APIP: variants seen among roughly 807,000 people sequenced by gnomAD.
The protein encoded by APIP is methylthioribulose-1-phosphate dehydratase.
Under a neutral mutation model 32.0 loss-of-function variants are expected in APIP, and 32 were observed. The observed-to-expected ratio is 1.00, with a 90% CI of 0.76 to 1.34. The LOEUF (loss-of-function observed/expected upper bound fraction) is 1.34. APIP is among the 40% of genes most tolerant of loss of function. The probability of loss-of-function intolerance (pLI) is 0.00; values close to 1 mark genes in which losing one functional copy is unlikely to be tolerated. For missense variants in APIP, 247 were observed against 298.6 expected (o/e 0.83, Z 1.27); for synonymous variants, 92 against 94.8 (o/e 0.97, Z 0.17).
In APIP at chr11:34,916,254, A is replaced by G; in HGVS notation, c.31T>C (p.Cys11Arg). 6.2e-7 allele frequency: 1 copy of G among 1,612,606 alleles called. No homozygotes were observed. Among genetic ancestry groups the G allele is most frequent in the Non-Finnish European group, 8.5e-7 (1 of 1,179,548 alleles). The change falls in exon 1 of 7, where the codon TGT becomes CGT. Residue 11 changes from cysteine to arginine, a missense_variant. Coordinates refer to ENST00000395787, the MANE Select transcript of APIP (RefSeq NM_015957.4). MSGCDAREGD[C>R]CSRRCGAQDK... Reference sequence around the variant, plus strand: ...TGCGCGCCGCATCTCCGGGAACAACAGTCTCCCTCCCGAGCATCACAGCCA... The same window carrying G: ...TGCGCGCCGCATCTCCGGGAACAACGGTCTCCCTCCCGAGCATCACAGCCA...
Position 34,890,536 on chromosome 11 carries a change from C to T in APIP, c.175G>A (p.Ala59Thr). 1 of 1,609,826 alleles carries T rather than the reference C, an allele frequency of 6.2e-7. No individual in the cohort carries two copies. The highest frequency in any genetic ancestry group is 8.5e-7 in the Non-Finnish European group (1 of 1,177,804). Residue 59 changes from alanine (A) to threonine (T), a missense_variant, in exon 3 of 7, where the codon GCT (alanine) becomes ACT (threonine). Ala to Thr is a moderately conservative substitution (Grantham distance 58). Transcript: ENST00000395787. Reference sequence around the variant, plus strand: ...CGTTCCTTTTGCACTCCTGAAGGAGCAATGTAGATTTCATCGCTGGCAACA... The same window carrying T: ...CGTTCCTTTTGCACTCCTGAAGGAGTAATGTAGATTTCATCGCTGGCAACA... Reference protein sequence around the residue: ...SLKHGDEIYIAPSGVQKERIQ... With the variant: ...SLKHGDEIYITPSGVQKERIQ...
chr11:34,895,704 T>C (rs896050880), intron 1 of APIP, among the ~76,000 whole-genome samples: 19 of 152,074 alleles, frequency 1.2e-4, no homozygotes, highest in African/African-American at 4.6e-4. Flanking sequence ...TAATACTTGC[T>C]TAACCCATTT....
chr11:34,886,922 T>C (rs990672684), intron 5 of APIP, among the ~76,000 whole-genome samples: 5 of 152,184 alleles, frequency 3.3e-5, no homozygotes, highest in Admixed American at 6.5e-5. Flanking sequence ...TCGCAGAACA[T>C]ATCCCCATCC....
chr11:34,888,873 T>C lies in APIP; in HGVS notation c.208-4A>G. 6.8e-7 allele frequency: 1 copy of C among 1,460,400 alleles called. No individual in the cohort carries two copies. Among genetic ancestry groups the C allele is most frequent in the Non-Finnish European group, 9.0e-7 (1 of 1,107,704 alleles). 90.5% of individuals were successfully genotyped at this position (1,460,400 alleles called of 1,614,324 possible). ...CACAAACAAACATGTCTTCAGGCTA[T>C]TTATAGAGGGGAAAAAAAGAAAAAA... is the stretch of plus-strand genomic sequence containing the variant. On this transcript the variant is annotated splice_region_variant and splice_polypyrimidine_tract_variant and intron_variant, in intron 3 of 6. Transcript: ENST00000395787.
chr11:34,887,427 AC>A, intron 5 of APIP, among the ~76,000 whole-genome samples: 1 of 152,284 alleles, frequency 6.6e-6, no homozygotes, highest in Middle Eastern at 3.4e-3. Context: ...ACTTTTGTAA[AC>A]AGGTGTTTCA....
At chr11:34,889,156 A>G (rs998617750) in intron 3 of APIP, among the ~76,000 whole-genome samples, 1 of 152,112 alleles carries the variant, frequency 6.6e-6, no homozygotes, top group East Asian at 1.9e-4. Flanking sequence ...TACAAATCCC[A>G]AAAATTAAAA....
intron 2 of APIP, among the ~76,000 whole-genome samples, chr11:34,894,482 A>T (rs2133910581): frequency 6.6e-6 from 1 of 151,158 alleles, no homozygotes; most frequent in Non-Finnish European, 1.5e-5. Context: ...AAAAAAAAAA[A>T]AAAAACCCCA....
chr11:34,899,102 C>T (rs979345693), intron 1 of APIP, among the ~76,000 whole-genome samples: 1 of 151,962 alleles, frequency 6.6e-6, no homozygotes, highest in Non-Finnish European at 1.5e-5. Flanking sequence ...ATCTCCTGAC[C>T]TAGTGATCCA....
chr11:34,901,406 A>G (rs960004549), intron 1 of APIP, among the ~76,000 whole-genome samples: 5 of 151,166 alleles, frequency 3.3e-5, no homozygotes, highest in Non-Finnish European at 7.4e-5. Flanking sequence ...CCGGGGGCTC[A>G]AACCCCTAGC....
intron 1 of APIP, among the ~76,000 whole-genome samples, chr11:34,902,395 G>A (rs971923532): frequency 5.3e-5 from 8 of 152,200 alleles, no homozygotes; most frequent in Non-Finnish European, 8.8e-5. Context: ...GGAAGGCACC[G>A]AAGCTCTTCT....
At chr11:34,900,510 T>C (rs1248152652) in intron 1 of APIP, among the ~76,000 whole-genome samples, 1 of 152,034 alleles carries the variant, frequency 6.6e-6, no homozygotes, top group Non-Finnish European at 1.5e-5. Context: ...ACAACCCAGG[T>C]AGGTATATAG....
At chr11:34,887,303 T>A (rs1400898502) in intron 5 of APIP, among the ~76,000 whole-genome samples, 4 of 152,158 alleles carry the variant, frequency 2.6e-5, no homozygotes, top group African/African-American at 4.8e-5. Context: ...AACAATAACA[T>A]TCATATGAAA....
intron 3 of APIP, among the ~76,000 whole-genome samples, chr11:34,889,412 A>G (rs1853147695): frequency 6.6e-6 from 1 of 152,126 alleles, no homozygotes; most frequent in Non-Finnish European, 1.5e-5. Flanking sequence ...GTACTCAGAA[A>G]GGTTAATCTC....
intron 1 of APIP, among the ~76,000 whole-genome samples, chr11:34,904,804 T>C (rs1274748244): frequency 6.6e-6 from 1 of 152,030 alleles, no homozygotes; most frequent in Non-Finnish European, 1.5e-5. Context: ...TATATTGGAG[T>C]CAAAGCCTGG....
At chr11:34,897,031 G>C (rs1351890650) in intron 1 of APIP, among the ~76,000 whole-genome samples, 1 of 152,122 alleles carries the variant, frequency 6.6e-6, no homozygotes, top group African/African-American at 2.4e-5. Context: ...CCGGTCACTG[G>C]GTAAAGGGGG....
intron 1 of APIP, among the ~76,000 whole-genome samples, chr11:34,915,001 CAAAAAA>C (rs33914497): frequency 2.6e-5 from 2 of 76,380 alleles, no homozygotes; most frequent in East Asian, 4.7e-4. Context: ...CAAAACGTGT[CAAAAAA>C]AAAAAAAAAA....
At chr11:34,894,467 C>CAAAAA (rs57079015) in intron 2 of APIP, among the ~76,000 whole-genome samples, 38 of 86,020 alleles carry the variant, frequency 4.4e-4, no homozygotes, top group Admixed American at 1.0e-3. Flanking sequence ...CCAGTCTCTA[C>CAAAAA]AAAAAAAAAA....
chr11:34,910,742 TA>T (rs1371259214), intron 1 of APIP, among the ~76,000 whole-genome samples: 4 of 152,300 alleles, frequency 2.6e-5, no homozygotes, highest in Middle Eastern at 3.4e-3. Flanking sequence ...ACTTTATCCT[TA>T]TAACAACCCT....
intron 1 of APIP, among the ~76,000 whole-genome samples, chr11:34,912,706 G>A (rs183135190): frequency 3.0e-4 from 46 of 152,278 alleles, no homozygotes; most frequent in African/African-American, 1.0e-3. Flanking sequence ...GATGCTTCCC[G>A]ACTTGAACAC....
Sources: gnomAD v4.1 joint callset for allele counts (sites outside exome capture counted in the v4.1 genomes callset) on GRCh38, gnomAD v4.1.1 for gene constraint, MANE v1.5 for transcripts, NCBI Gene and HGNC (gene_info 2026-07-23, HGNC 2026-07-21) for gene names.